Variants in ROBO2 observed in about 807,000 individuals in gnomAD.
ROBO2 encodes the protein roundabout guidance receptor 2, also known as roundabout homolog 2.
In ROBO2, 53 loss-of-function variants were observed where a neutral mutation model predicts 160.8. The ratio of observed to expected loss-of-function variants is 0.33; its 90% CI spans 0.26 to 0.41. The LOEUF is 0.41. Ranked by LOEUF, ROBO2 falls within the 10% of genes least tolerant of loss-of-function variation. The pLI is 1.00. For missense variants in ROBO2, 1,577 were observed against 1,722.4 expected, an observed-to-expected ratio of 0.92 and a Z score of 1.49; for synonymous variants, 664 against 611.7, an observed-to-expected ratio of 1.09 and a Z score of -1.26.
chr3:77,640,970 G>C (rs1559787233), intron 24 of ROBO2, among the ~76,000 whole-genome samples: 1 of 152,144 alleles, frequency 6.6e-6, no homozygotes, highest in Non-Finnish European at 1.5e-5. Context: ...CTGCTCTGAT[G>C]CAGAATAAAA....
At chr3:76,325,866 A>G (rs765993049) in intron 2 of ROBO2, among the ~76,000 whole-genome samples, 16 of 152,190 alleles carry the variant, frequency 1.1e-4, no homozygotes, top group African/African-American at 3.9e-4. Context: ...TTGAATAACT[A>G]TAATAACAAA....
intron 2 of ROBO2, among the ~76,000 whole-genome samples, chr3:77,281,522 CAGAAATAGTCTT>C (rs1366051294): frequency 6.6e-6 from 1 of 150,644 alleles, no homozygotes; most frequent in East Asian, 2.0e-4. Context: ...AAAAAACCAC[CAGAAATAGTCTT>C]AGAAATGCGT....
chr3:76,795,135 G>T (rs2063605087), intron 2 of ROBO2, among the ~76,000 whole-genome samples: 1 of 151,628 alleles, frequency 6.6e-6, no homozygotes, highest in Non-Finnish European at 1.5e-5. Context: ...GCTGAAAACT[G>T]CTAATTATCA....
intron 2 of ROBO2, among the ~76,000 whole-genome samples, chr3:76,007,484 G>A (rs1304851096): frequency 6.6e-6 from 1 of 152,068 alleles, no homozygotes; most frequent in Non-Finnish European, 1.5e-5. Flanking sequence ...CTTATGTTAA[G>A]TGTAGATACA....
intron 2 of ROBO2, among the ~76,000 whole-genome samples, chr3:76,622,392 G>A (rs2089286250): frequency 6.6e-6 from 1 of 152,064 alleles, no homozygotes; most frequent in Admixed American, 6.5e-5. Context: ...TTGAGCCCAG[G>A]AGTTCAAGGA....
intron 1 of ROBO2, among the ~76,000 whole-genome samples, chr3:77,085,124 T>G (rs2149967369): frequency 6.6e-6 from 1 of 151,306 alleles, no homozygotes; most frequent in East Asian, 1.9e-4. Context: ...ATATTCTTTA[T>G]CTACTAAAAT....
intron 2 of ROBO2, among the ~76,000 whole-genome samples, chr3:76,625,454 A>G (rs1313088689): frequency 6.6e-6 from 1 of 152,122 alleles, no homozygotes. Flanking sequence ...TACATGTACT[A>G]TGGGGGCCAA....
At chr3:76,998,155 C>T (rs2061131689) in intron 2 of ROBO2, among the ~76,000 whole-genome samples, 1 of 152,072 alleles carries the variant, frequency 6.6e-6, no homozygotes, top group South Asian at 2.1e-4. Flanking sequence ...CAACCTGACA[C>T]AGTACATAGT....
At chr3:76,654,706 G>T (rs2091413590) in intron 2 of ROBO2, among the ~76,000 whole-genome samples, 1 of 151,924 alleles carries the variant, frequency 6.6e-6, no homozygotes, top group African/African-American at 2.4e-5. Context: ...TAGATCATAA[G>T]AAGCGCTATA....
chr3:77,003,113 GTCAATGCATAATAAA>G (rs1559829263), intron 2 of ROBO2, among the ~76,000 whole-genome samples: 3 of 152,086 alleles, frequency 2.0e-5, no homozygotes, highest in Non-Finnish European at 4.4e-5. Context: ...TGTGAATATA[GTCAATGCATAATAAA>G]TATTCTTTGT....
chr3:76,247,586 G>GT (rs1157540382), intron 2 of ROBO2, among the ~76,000 whole-genome samples: 6 of 151,974 alleles, frequency 3.9e-5, no homozygotes, highest in African/African-American at 1.2e-4. Flanking sequence ...TTTTGTTGTT[G>GT]TTGTTTGTTT....
intron 23 of ROBO2, among the ~76,000 whole-genome samples, chr3:77,623,873 G>C (rs2094951223): frequency 6.6e-6 from 1 of 152,158 alleles, no homozygotes; most frequent in Admixed American, 6.5e-5. Flanking sequence ...AGTCTGTGTA[G>C]TTCTTTTATT....
intron 2 of ROBO2, among the ~76,000 whole-genome samples, chr3:76,736,420 G>A (rs900025675): frequency 2.6e-5 from 4 of 152,148 alleles, no homozygotes; most frequent in Non-Finnish European, 5.9e-5. Flanking sequence ...CAGCGGCAAT[G>A]CTGAATGCCG....
At chr3:76,275,997 A>T (rs186243101) in intron 2 of ROBO2, among the ~76,000 whole-genome samples, 52 of 152,190 alleles carry the variant, frequency 3.4e-4, no homozygotes, top group African/African-American at 1.2e-3. Flanking sequence ...TACAATTTAA[A>T]TACATAAAGG....
Position 76,790,196 on chromosome 3 carries a change from AAAGGTAG to A in ROBO2, c.110-307816_110-307810del, listed in dbSNP as rs1451771294. Among the ~76,000 whole-genome samples the A allele has an allele frequency of 2.0e-5, 3 of 151,560 alleles. No individual in the cohort carries two copies. The East Asian group carries it at 5.8e-4, about 30-fold the overall frequency. ...TCAATCAAAATTGAATGTGGCTCCT[AAAGGTAG>A]AGTTTCCTCTACATCTCCTCAGTAA... On this transcript the variant is annotated intron_variant, in intron 2 of 26. Coordinates refer to the ROBO2 transcript ENST00000487694.
At chr3:76,870,949 A>G (rs1184916354) in intron 2 of ROBO2, among the ~76,000 whole-genome samples, 1 of 152,222 alleles carries the variant, frequency 6.6e-6, no homozygotes, top group Non-Finnish European at 1.5e-5. Flanking sequence ...GAAACAAAAT[A>G]CATAGACATT....
chr3:76,883,751 TC>T (rs2073602642), intron 2 of ROBO2, among the ~76,000 whole-genome samples: 1 of 152,222 alleles, frequency 6.6e-6, no homozygotes, highest in East Asian at 1.9e-4. Context: ...TGCAATGGTT[TC>T]CTAAAACTGG....
chr3:77,534,178 AGTT>A (rs1285771336), intron 6 of ROBO2, among the ~76,000 whole-genome samples: 1 of 152,072 alleles, frequency 6.6e-6, no homozygotes, highest in East Asian at 1.9e-4. Flanking sequence ...GGGCTATAGT[AGTT>A]TTTTCTTATT....
chr3:76,712,031 A>T (rs747926338), intron 2 of ROBO2, among the ~76,000 whole-genome samples: 1 of 152,180 alleles, frequency 6.6e-6, no homozygotes, highest in African/African-American at 2.4e-5. Context: ...TACTTTTATA[A>T]TAAGGGGTTA....
Sources: allele counts gnomAD v4.1 joint callset (sites outside exome capture counted in the v4.1 genomes callset), GRCh38; gene constraint gnomAD v4.1.1; transcripts MANE v1.5; gene names NCBI Gene and HGNC (gene_info 2026-07-23, HGNC 2026-07-21).